DDHD1: variants seen among roughly 807,000 people sequenced by gnomAD.
The protein encoded by DDHD1 is DDHD domain containing 1.
In DDHD1, 49 loss-of-function variants were observed where a neutral mutation model predicts 96.4. The observed-to-expected ratio is 0.51, with a 90% CI of 0.40 to 0.64. The LOEUF is 0.64. Among genes scored for constraint, DDHD1 ranks in the 30% least tolerant of loss-of-function variants. DDHD1 has a pLI of 0.00. For missense variants in DDHD1, 1,106 were observed against 1,161.2 expected, an observed-to-expected ratio of 0.95 and a Z score of 0.69; for synonymous variants, 442 against 446.5, an observed-to-expected ratio of 0.99 and a Z score of 0.13.
Position 53,039,689 on chromosome 14 carries a change from T to C in DDHD1, c.*7079A>G, listed in dbSNP as rs764410983. On this transcript the variant is annotated 3_prime_UTR_variant, in exon 13 of 13. Coordinates refer to ENST00000673822, the MANE Select transcript of DDHD1 (RefSeq NM_001160148.2). ...GGAATGTAGTTTGCTGTAACAAAAATATAGTTTGATTGTTGAAGGTAGGCA... is the reference window on the plus strand; with the variant it reads ...GGAATGTAGTTTGCTGTAACAAAAACATAGTTTGATTGTTGAAGGTAGGCA... The C allele has an allele frequency of 7.2e-5, 11 of 152,260 alleles. No homozygotes were observed. Among genetic ancestry groups the C allele is most frequent in the African/African-American group, 1.2e-4 (5 of 41,364 alleles). The allele number at this position is 152,260 out of a possible 1,614,324, so 9.4% of individuals were successfully genotyped here.
chr14:53,102,409 A>T (rs142090890), intron 2 of DDHD1, among the ~76,000 whole-genome samples: 2 of 152,214 alleles, frequency 1.3e-5, no homozygotes, highest in African/African-American at 4.8e-5. Context: ...TTACAGTGAA[A>T]TAAGGACATA....
intron 12 of DDHD1, 138 bp from the exon 13 acceptor site, chr14:53,047,087 T>C: frequency 1.7e-6 from 1 of 605,172 alleles, no homozygotes. Context: ...CTTTCCATTA[T>C]CATCTTAAGA....
intron 4 of DDHD1, among the ~76,000 whole-genome samples, chr14:53,078,304 A>C (rs1466220600): frequency 1.3e-5 from 2 of 152,180 alleles, no homozygotes; most frequent in African/African-American, 4.8e-5. Flanking sequence ...CTTTTTGATA[A>C]GAGTTATCCT....
chr14:53,103,067 C>G (rs912915696), intron 2 of DDHD1: 1 of 1,561,970 alleles, frequency 6.4e-7, no homozygotes, highest in Non-Finnish European at 8.7e-7. Flanking sequence ...GTAAATGGAA[C>G]AATAGAAGTA....
intron 1 of DDHD1, among the ~76,000 whole-genome samples, chr14:53,140,849 G>A (rs978379176): frequency 3.3e-5 from 5 of 152,086 alleles, no homozygotes; most frequent in African/African-American, 9.7e-5. Context: ...GACACATACA[G>A]GTTTAAAAGT....
intron 1 of DDHD1, among the ~76,000 whole-genome samples, chr14:53,125,565 A>G (rs1889363887): frequency 6.6e-6 from 1 of 152,202 alleles, no homozygotes. Flanking sequence ...CATAGTTGAA[A>G]CTTTTAATAT....
intron 1 of DDHD1, among the ~76,000 whole-genome samples, chr14:53,136,141 C>A (rs1021238434): frequency 2.6e-5 from 4 of 152,198 alleles, no homozygotes; most frequent in Non-Finnish European, 5.9e-5. Flanking sequence ...AGATCCACCC[C>A]CTGCCCGCAA....
Position 53,063,126 on chromosome 14 carries a change from C to G in DDHD1, c.1583G>C (p.Gly528Ala). Residue 528 changes from glycine (G) to alanine (A), a missense_variant, in exon 7 of 13, where the codon GGG becomes GCG. By Grantham distance (60) the Gly-to-Ala change is moderately conservative (BLOSUM62 0). Transcript: ENST00000673822. ...ATGTGATACTATTGAGACTTTACCC[C>G]CTTTTTCTTCAAAGTCTGGATTCCG... is the stretch of plus-strand genomic sequence containing the variant. ...CSRNPDFEEK[G>A]GKVSIVSHSL... The G allele has an allele frequency of 6.2e-7, 1 of 1,614,006 alleles. No individual in the cohort carries two copies. Among genetic ancestry groups the G allele is most frequent in the South Asian group, 1.1e-5 (1 of 91,064 alleles).
At chr14:53,059,173 A>G (rs1432202535) in intron 8 of DDHD1, among the ~76,000 whole-genome samples, 2 of 152,238 alleles carry the variant, frequency 1.3e-5, no homozygotes, top group African/African-American at 4.8e-5. Flanking sequence ...GCTGGAAAGA[A>G]TAACATTCCA....
chr14:53,138,107 A>G (rs975131876), intron 1 of DDHD1, among the ~76,000 whole-genome samples: 3 of 152,216 alleles, frequency 2.0e-5, no homozygotes, highest in African/African-American at 7.2e-5. Flanking sequence ...GTTTTTTTAA[A>G]AATTGACTAC....
At chr14:53,147,528 G>A (rs1891080967) in intron 1 of DDHD1, among the ~76,000 whole-genome samples, 1 of 152,142 alleles carries the variant, frequency 6.6e-6, no homozygotes, top group African/African-American at 2.4e-5. Flanking sequence ...GGAAAGAGAA[G>A]CCCCAAATGC....
Position 53,107,940 on chromosome 14 carries a change from T to C in DDHD1, c.839-4084A>G, listed in dbSNP as rs534876956. Reference sequence around the variant, plus strand: ...AGGTAAAGAAATAGCCAATCATCTATTGCCTGAGAGCACAGCGGGAGGGAC... The same window carrying C: ...AGGTAAAGAAATAGCCAATCATCTACTGCCTGAGAGCACAGCGGGAGGGAC... On this transcript the variant is annotated intron_variant, in intron 1 of 12. Coordinates refer to ENST00000673822, the MANE Select transcript of DDHD1 (RefSeq NM_001160148.2). Among the ~76,000 whole-genome samples, 8 of 152,300 alleles carry C rather than the reference T, an allele frequency of 5.3e-5. No homozygotes were observed. The South Asian group carries it at 1.2e-3, about 24-fold the overall frequency.
intron 1 of DDHD1, among the ~76,000 whole-genome samples, chr14:53,131,329 G>A (rs931708594): frequency 6.6e-6 from 1 of 152,028 alleles, no homozygotes; most frequent in African/African-American, 2.4e-5. Flanking sequence ...CCAATCACAT[G>A]CCCATTACTA....
intron 1 of DDHD1, among the ~76,000 whole-genome samples, chr14:53,148,005 A>G (rs1325064075): frequency 6.6e-6 from 1 of 152,194 alleles, no homozygotes; most frequent in Non-Finnish European, 1.5e-5. Context: ...TAATTTTTTA[A>G]TCTCATTTTA....
In DDHD1 at chr14:53,103,018, C is replaced by T. The variant is rs1232904052; in HGVS notation, c.1012+665G>A. The T allele has an allele frequency of 5.1e-6, 8 of 1,563,862 alleles. No individual in the cohort carries two copies. Among genetic ancestry groups the T allele is most frequent in the Admixed American group, 1.9e-5 (1 of 52,778 alleles). ...ATCTACAAATTCTAATCTACCTGTA[C>T]AGTTATACTCACCAGAATAGTTGAT... is the stretch of plus-strand genomic sequence containing the variant. On this transcript the variant is annotated intron_variant, in intron 2 of 12. Coordinates refer to ENST00000673822, the MANE Select transcript of DDHD1 (RefSeq NM_001160148.2).
intron 1 of DDHD1, among the ~76,000 whole-genome samples, chr14:53,113,789 A>G (rs769637839): frequency 2.6e-5 from 4 of 152,332 alleles, no homozygotes; most frequent in African/African-American, 7.2e-5. Context: ...CTTCAAGCAC[A>G]TAACTGGGCA....
chr14:53,122,983 T>A (rs781372198), intron 1 of DDHD1, among the ~76,000 whole-genome samples: 5 of 151,958 alleles, frequency 3.3e-5, no homozygotes, highest in Non-Finnish European at 7.4e-5. Context: ...AAAACTATAA[T>A]GTAAAATATG....
chr14:53,121,566 T>C (rs2139800407), intron 1 of DDHD1, among the ~76,000 whole-genome samples: 1 of 151,980 alleles, frequency 6.6e-6, no homozygotes, highest in East Asian at 1.9e-4. Flanking sequence ...ATAAAGAAAA[T>C]GTGGCACATA....
intron 1 of DDHD1, among the ~76,000 whole-genome samples, chr14:53,150,781 A>G (rs1174737680): frequency 6.6e-6 from 1 of 152,214 alleles, no homozygotes; most frequent in Non-Finnish European, 1.5e-5. Context: ...CCTTTTCCCC[A>G]TCTTTCTTAA....
Sources: gnomAD v4.1 joint callset for allele counts (sites outside exome capture counted in the v4.1 genomes callset) on GRCh38, gnomAD v4.1.1 for gene constraint, MANE v1.5 for transcripts, NCBI Gene and HGNC (gene_info 2026-07-23, HGNC 2026-07-21) for gene names.